The following GPATCH2 variants were observed in gnomAD, a reference collection of about 807,000 sequenced individuals.
GPATCH2 encodes the protein G-patch domain containing 2.
Under a neutral mutation model 58.0 loss-of-function variants are expected in GPATCH2, and 51 were observed. That is an observed-to-expected ratio of 0.88 (90% CI 0.70 to 1.11). The LOEUF (loss-of-function observed/expected upper bound fraction) is 1.11. GPATCH2 is among the 50% of genes most tolerant of loss of function. The probability of loss-of-function intolerance (pLI) is 0.00; values close to 1 mark genes in which losing one functional copy is unlikely to be tolerated. For synonymous variants in GPATCH2, 222 were observed against 218.5 expected (o/e 1.02, Z -0.14); for missense variants, 625 against 652.2 (o/e 0.96, Z 0.45).
In GPATCH2 at chr1:217,428,578, G is replaced by C. The variant is rs1266024919; in HGVS notation, c.*2567C>G. On this transcript the variant is annotated 3_prime_UTR_variant, in exon 10 of 10. Transcript: ENST00000366935. ...GAGGGCATGTCAGTAGAAGTATGGG[G>C]GAAGCTTGGGATGTTATCACTTCTC... is the stretch of plus-strand genomic sequence containing the variant. 2 of 152,148 alleles carry C rather than the reference G, an allele frequency of 1.3e-5. No homozygotes were observed. The highest frequency in any genetic ancestry group is 2.9e-5 in the Non-Finnish European group (2 of 68,060). The allele number at this position is 152,148 out of a possible 1,614,324, so 9.4% of individuals were successfully genotyped here.
At chr1:217,515,365 GGATTACA>G (rs1353390038) in intron 5 of GPATCH2, among the ~76,000 whole-genome samples, 9 of 151,832 alleles carry the variant, frequency 5.9e-5, no homozygotes, top group Admixed American at 2.6e-4. Flanking sequence ...CAAAGTGTTG[GGATTACA>G]GGTGTGAGCC....
At chr1:217,523,272 A>G (rs1663568805) in intron 5 of GPATCH2, among the ~76,000 whole-genome samples, 1 of 151,660 alleles carries the variant, frequency 6.6e-6, no homozygotes, top group Admixed American at 6.5e-5. Flanking sequence ...GTCAGCAGAT[A>G]AACAAGTGAA....
At chr1:217,542,057 T>TA (rs1458695908) in intron 5 of GPATCH2, among the ~76,000 whole-genome samples, 3 of 152,126 alleles carry the variant, frequency 2.0e-5, no homozygotes, top group Admixed American at 2.0e-4. Flanking sequence ...TGCTTTTTGG[T>TA]AAAAAAATTT....
intron 8 of GPATCH2, among the ~76,000 whole-genome samples, chr1:217,463,452 C>A (rs553812509): frequency 6.6e-6 from 1 of 151,876 alleles, no homozygotes; most frequent in East Asian, 1.9e-4. Context: ...AAGGCTAGAC[C>A]AGGAAGGCCT....
chr1:217,584,344 A>AATATATATAT (rs71556690), intron 5 of GPATCH2, among the ~76,000 whole-genome samples: 219 of 100,984 alleles, frequency 2.2e-3, no homozygotes, highest in East Asian at 0.016. Flanking sequence ...AAAAAAAAAA[A>AATATATATAT]ATATATATAT....
intron 5 of GPATCH2, among the ~76,000 whole-genome samples, chr1:217,585,176 T>C (rs1468954446): frequency 6.6e-6 from 1 of 152,176 alleles, no homozygotes; most frequent in Non-Finnish European, 1.5e-5. Context: ...TATGTTTTCT[T>C]CTACAATTTG....
At chr1:217,608,403 G>A (rs907159564) in intron 5 of GPATCH2, 1 of 984,390 alleles carries the variant, frequency 1.0e-6, no homozygotes, top group Non-Finnish European at 1.2e-6. Flanking sequence ...TCTCCATCAA[G>A]TGAAACTTCA....
In GPATCH2 at chr1:217,610,962, T is replaced by C. The variant is rs1421945658; in HGVS notation, c.945A>G (p.Lys315=). 6.2e-7 allele frequency: 1 copy of C among 1,613,516 alleles called. No individual in the cohort carries two copies. Among genetic ancestry groups the C allele is most frequent in the Non-Finnish European group, 8.5e-7 (1 of 1,179,700 alleles). ...TTTCAAAGACAGGATCTGGTACATT[T>C]TTGTCTAGCTCAGTAGGATCTTCCT... The part of the protein sequence containing the change: ...WEKEDPTELD[K]NVPDPVFESI... Residue 315 remains lysine (K), a synonymous_variant, in exon 4 of 10, where the codon AAA becomes AAG. Coordinates refer to ENST00000366935, the MANE Select transcript of GPATCH2 (RefSeq NM_018040.5).
At chr1:217,559,266 A>G (rs1665802179) in intron 5 of GPATCH2, among the ~76,000 whole-genome samples, 1 of 152,090 alleles carries the variant, frequency 6.6e-6, no homozygotes, top group Non-Finnish European at 1.5e-5. Context: ...GATACCTCTC[A>G]AACACTATAC....
At chr1:217,576,870 G>T (rs1239196316) in intron 5 of GPATCH2, among the ~76,000 whole-genome samples, 1 of 152,208 alleles carries the variant, frequency 6.6e-6, no homozygotes, top group East Asian at 1.9e-4. Context: ...ACAATGCGAA[G>T]GGGATAAGGA....
At chr1:217,479,075 A>G (rs944423431) in intron 8 of GPATCH2, among the ~76,000 whole-genome samples, 5 of 152,192 alleles carry the variant, frequency 3.3e-5, no homozygotes, top group African/African-American at 1.2e-4. Flanking sequence ...GCTCTCCCAG[A>G]CAAACAAAAC....
intron 5 of GPATCH2, among the ~76,000 whole-genome samples, chr1:217,602,920 T>C (rs1185802214): frequency 3.3e-5 from 5 of 152,196 alleles, no homozygotes; most frequent in African/African-American, 1.2e-4. Context: ...AGAGAATTTA[T>C]TTATATTTAT....
intron 5 of GPATCH2, among the ~76,000 whole-genome samples, chr1:217,570,707 G>T (rs180868306): frequency 4.6e-5 from 7 of 152,296 alleles, no homozygotes; most frequent in African/African-American, 7.2e-5. Flanking sequence ...AACAGTTTAT[G>T]AAGACCTAGG....
At chr1:217,609,810 C>T (rs1558522907) in intron 5 of GPATCH2, 2 of 984,456 alleles carry the variant, frequency 2.0e-6, no homozygotes, top group South Asian at 4.7e-5. Flanking sequence ...GAATACTTGT[C>T]GATCTGGAAG....
In GPATCH2 at chr1:217,620,331, C is replaced by T. The variant is rs762081384; in HGVS notation, c.225G>A (p.Ser75=). The T allele has an allele frequency of 1.4e-5, 23 of 1,613,894 alleles. 1 individual carries two copies. The highest frequency in any genetic ancestry group is 4.5e-5 in the East Asian group (2 of 44,858). ...TCTCCCACGGGTGATGCACATTATA[C>T]GACCTCCGTTTTCTCCCTCTCCTTT... is the stretch of plus-strand genomic sequence containing the variant. ...ARKRRGRKRR[S]YNVHHPWETG... The change falls in exon 2 of 10, where the codon TCG becomes TCA. Residue 75 remains serine (S), a synonymous_variant. Coordinates refer to ENST00000366935, the MANE Select transcript of GPATCH2 (RefSeq NM_018040.5).
intron 5 of GPATCH2, among the ~76,000 whole-genome samples, chr1:217,569,202 G>A (rs2102712321): frequency 6.6e-6 from 1 of 151,882 alleles, no homozygotes; most frequent in South Asian, 2.1e-4. Flanking sequence ...CAGATATTTG[G>A]GGACACATGT....
chr1:217,491,237 T>C (rs1240876220), intron 8 of GPATCH2, among the ~76,000 whole-genome samples: 1 of 152,082 alleles, frequency 6.6e-6, no homozygotes, highest in African/African-American at 2.4e-5. Flanking sequence ...AAAACTAACA[T>C]TGGAAAAAAT....
At chr1:217,569,341 G>A (rs1179850670) in intron 5 of GPATCH2, among the ~76,000 whole-genome samples, 2 of 151,994 alleles carry the variant, frequency 1.3e-5, no homozygotes, top group Non-Finnish European at 2.9e-5. Flanking sequence ...AAGTAAGCAA[G>A]CAGAGGGTGG....
chr1:217,472,713 T>C (rs538153693), intron 8 of GPATCH2, among the ~76,000 whole-genome samples: 44 of 152,328 alleles, frequency 2.9e-4, no homozygotes, highest in African/African-American at 1.0e-3. Flanking sequence ...AATGAGGTGA[T>C]AGCAGTGGGA....
Sources: allele counts gnomAD v4.1 joint callset (sites outside exome capture counted in the v4.1 genomes callset), GRCh38; gene constraint gnomAD v4.1.1; transcripts MANE v1.5; gene names NCBI Gene and HGNC (gene_info 2026-07-23, HGNC 2026-07-21).